The following RPL31 variants were observed in gnomAD, a reference collection of about 807,000 sequenced individuals.
RPL31 encodes the protein ribosomal protein L31, also known as large ribosomal subunit protein eL31.
For missense variants in RPL31, 95 were observed against 164.0 expected (o/e 0.58, Z 2.30); for synonymous variants, 51 against 55.0 (o/e 0.93, Z 0.32).
intron 4 of RPL31, chr2:101,017,710 C>A (rs1679758187): frequency 1.3e-6 from 1 of 781,668 alleles, no homozygotes; most frequent in Non-Finnish European, 2.1e-6. Flanking sequence ...TAACAGATAT[C>A]CATGGTACAT....
chr2:101,011,557 A>G (rs1353103460), downstream of RPL31: 4 of 1,613,472 alleles, frequency 2.5e-6, no homozygotes, highest in Non-Finnish European at 3.4e-6. Flanking sequence ...AAAAGATGAG[A>G]GGTTTAAATT....
intron 2 of RPL31, among the ~76,000 whole-genome samples, chr2:101,003,711 C>T (rs1422268318): frequency 6.6e-6 from 1 of 152,204 alleles, no homozygotes; most frequent in African/African-American, 2.4e-5. Context: ...AGCGACCTGC[C>T]TGCACACTTC....
At chr2:101,004,770 A>G (rs1297942785) in intron 3 of RPL31, 1 of 158,966 alleles carries the variant, frequency 6.3e-6, no homozygotes, top group Admixed American at 6.5e-5. Flanking sequence ...ACTACTAAAC[A>G]TCCTACAACT....
At chr2:101,019,109 G>A in exon 5 of RPL31, 1 of 1,564,882 alleles carries the variant, frequency 6.4e-7, no homozygotes, top group Non-Finnish European at 8.7e-7. Flanking sequence ...TGCAGCAGAT[G>A]CCTTTACAAC....
At chr2:101,013,495 A>G (rs1679387251) in intron 4 of RPL31, among the ~76,000 whole-genome samples, 1 of 152,224 alleles carries the variant, frequency 6.6e-6, no homozygotes, top group Admixed American at 6.5e-5. Context: ...TCTCACTTCA[A>G]GTACTACCCA....
rs771666392 is a variant in RPL31 at position 101,019,056 on chromosome 2, G to A, written c.*18G>A. On this transcript the variant is annotated 3_prime_UTR_variant, in exon 5 of 5. Coordinates refer to the RPL31 transcript ENST00000409028. ...GCCCATAAAGGGAGCCCTCCTGGAAGTGGATGAGGCCTTGGGTCTCGGCTC... is the reference window on the plus strand; with the variant it reads ...GCCCATAAAGGGAGCCCTCCTGGAAATGGATGAGGCCTTGGGTCTCGGCTC... The A allele has an allele frequency of 3.7e-6, 6 of 1,608,914 alleles. No homozygotes were observed. In the East Asian group the frequency reaches 1.3e-4, roughly 36 times the overall value.
chr2:101,007,307 G>GGACA (rs1396490783), downstream of RPL31: 1 of 152,726 alleles, frequency 6.5e-6, no homozygotes, highest in Non-Finnish European at 1.5e-5. Context: ...ATTTTTGGAA[G>GGACA]GACATATAAA....
At chr2:101,005,847 G>A in intron 3 of RPL31, 112 bp from the exon 4 acceptor site, 1 of 899,334 alleles carries the variant, frequency 1.1e-6, no homozygotes, top group Non-Finnish European at 1.8e-6. Flanking sequence ...GTTGGTCAGA[G>A]TAGAGCAAAG....
intron 4 of RPL31, chr2:101,018,031 C>T: frequency 8.4e-7 from 1 of 1,190,438 alleles, no homozygotes; most frequent in Non-Finnish European, 1.2e-6. Flanking sequence ...TTCTACATAT[C>T]AACCCCTTTT....
chr2:101,018,333 TCA>T (rs750035298), intron 4 of RPL31: 1 of 92,218 alleles, frequency 1.1e-5, no homozygotes, highest in Non-Finnish European at 2.9e-5. Flanking sequence ...TCAATTAAGT[TCA>T]TTCAGGTTTT....
At chr2:101,008,315 G>GGAAGT (rs1558962505), downstream of RPL31, 1 of 1,444,904 alleles carries the variant, frequency 6.9e-7, no homozygotes, top group East Asian at 2.3e-5. Flanking sequence ...GAACCAGGGT[G>GGAAGT]GAAGTGTCAT....
chr2:101,014,551 G>T (rs1679472443), intron 4 of RPL31, among the ~76,000 whole-genome samples: 1 of 152,062 alleles, frequency 6.6e-6, no homozygotes, highest in Non-Finnish European at 1.5e-5. Flanking sequence ...TTCCCTGAGG[G>T]AGGCTCTTAA....
At chr2:101,015,532 C>T (rs187261148) in intron 4 of RPL31, among the ~76,000 whole-genome samples, 2 of 152,284 alleles carry the variant, frequency 1.3e-5, no homozygotes, top group Non-Finnish European at 2.9e-5. Context: ...CATTGTACAG[C>T]TGTGAAAAAT....
intron 3 of RPL31, 72 bp downstream of exon 3, chr2:101,004,355 CA>C: frequency 6.5e-7 from 1 of 1,528,612 alleles, no homozygotes; most frequent in Non-Finnish European, 8.9e-7. Flanking sequence ...TGCAAGAGCC[CA>C]TATCAGTTCA....
chr2:101,003,375 C>A (rs551803863), intron 2 of RPL31, among the ~76,000 whole-genome samples: 84 of 152,192 alleles, frequency 5.5e-4, no homozygotes, highest in African/African-American at 2.0e-3. Context: ...TGCAGTGGCG[C>A]GCTCTCGGCT....
intron 3 of RPL31, 74 bp from the exon 4 acceptor site, chr2:101,005,885 T>C (rs1433119325): frequency 1.4e-5 from 17 of 1,231,878 alleles, no homozygotes; most frequent in Middle Eastern, 2.7e-4. Flanking sequence ...GCATATGAGA[T>C]ATGTGAATAC....
At chr2:101,014,385 T>TA (rs1679458887) in intron 4 of RPL31, among the ~76,000 whole-genome samples, 1 of 152,226 alleles carries the variant, frequency 6.6e-6, no homozygotes, top group Admixed American at 6.5e-5. Flanking sequence ...GCTTAACTGT[T>TA]AAACTGGAGC....
At chr2:101,017,995 G>C in intron 4 of RPL31, 1 of 1,455,422 alleles carries the variant, frequency 6.9e-7, no homozygotes, top group African/African-American at 1.4e-5. Context: ...TCCAATGCTC[G>C]CAATTCTACT....
chr2:101,018,465 C>CAGCAGATGTACTTGGTTATGT (rs1679819346), intron 4 of RPL31, among the ~76,000 whole-genome samples: 1 of 152,220 alleles, frequency 6.6e-6, no homozygotes, highest in African/African-American at 2.4e-5. Flanking sequence ...ATCCTTTAGA[C>CAGCAGATGTACTTGGTTATGT]AGCAGATGTA....
Sources: allele counts gnomAD v4.1 joint callset (sites outside exome capture counted in the v4.1 genomes callset), GRCh38; gene constraint gnomAD v4.1.1; transcripts MANE v1.5; gene names NCBI Gene and HGNC (gene_info 2026-07-23, HGNC 2026-07-21).